The following COL21A1 variants were observed in gnomAD, a reference collection of about 807,000 sequenced individuals.
COL21A1 encodes collagen type XXI alpha 1 chain.
Under a neutral mutation model 137.9 loss-of-function variants are expected in COL21A1, and 149 were observed. That is an observed-to-expected ratio of 1.08 (90% CI 0.95 to 1.24). COL21A1 has a LOEUF of 1.24. Among genes scored for constraint, COL21A1 ranks in the 50% most tolerant of loss-of-function variants. COL21A1 has a pLI of 0.00. For synonymous variants in COL21A1, 456 were observed against 391.5 expected (o/e 1.16, Z -1.95); for missense variants, 1,167 against 1,158.4 (o/e 1.01, Z -0.11).
At chr6:56,177,791 CAAAAAAAAAAA>C (rs3065941) in intron 3 of COL21A1, among the ~76,000 whole-genome samples, 8 of 69,380 alleles carry the variant, frequency 1.2e-4, no homozygotes, top group African/African-American at 4.9e-4. Context: ...GACTCTGCCT[CAAAAAAAAAAA>C]AAAAAAAAAA....
intron 1 of COL21A1, among the ~76,000 whole-genome samples, chr6:56,379,130 C>T (rs1431361846): frequency 2.0e-5 from 3 of 152,130 alleles, no homozygotes; most frequent in African/African-American, 7.2e-5. Flanking sequence ...GCCCAGACGG[C>T]GAAGACTACA....
Position 56,183,329 on chromosome 6 carries a change from C to A in COL21A1, c.-38-673G>T, listed in dbSNP as rs140823579. ...ATAATTTAAAGAAACCTAAAAGAAC[C>A]AAATTCCAGAAGTTATTAACCCTTT... On this transcript the variant is annotated intron_variant, in intron 1 of 29. Coordinates refer to ENST00000244728, the MANE Select transcript of COL21A1 (RefSeq NM_030820.4). Among the ~76,000 whole-genome samples the A allele has an allele frequency of 3.2e-4, 49 of 152,146 alleles. No individual in the cohort carries two copies. In the East Asian group the frequency reaches 9.3e-3, roughly 29 times the overall value.
intron 16 of COL21A1, among the ~76,000 whole-genome samples, chr6:56,123,098 G>A (rs530108312): frequency 6.6e-6 from 1 of 152,334 alleles, no homozygotes; most frequent in East Asian, 1.9e-4. Flanking sequence ...CTCTCACATA[G>A]TCTAGATTAT....
intron 1 of COL21A1, among the ~76,000 whole-genome samples, chr6:56,208,839 G>A (rs904947891): frequency 2.0e-5 from 3 of 152,008 alleles, no homozygotes; most frequent in East Asian, 1.9e-4. Flanking sequence ...ACAGACCGAC[G>A]GAACAGAACA....
At chr6:56,176,026 G>A (rs920153780) in intron 3 of COL21A1, among the ~76,000 whole-genome samples, 5 of 149,540 alleles carry the variant, frequency 3.3e-5, no homozygotes, top group South Asian at 2.1e-4. Context: ...ACTGCCCGAC[G>A]GGGAAAGGAT....
chr6:56,328,310 T>C lies in COL21A1; in HGVS notation c.-39+65661A>G, dbSNP rs183917049. ...TCCTATCTCAAATTTGATAATACAATATGCATACTGAACTTTAGGTACAAC... is the reference window on the plus strand; with the variant it reads ...TCCTATCTCAAATTTGATAATACAACATGCATACTGAACTTTAGGTACAAC... On this transcript the variant is annotated intron_variant, in intron 1 of 28. Transcript: ENST00000370819. 1.6e-3 allele frequency among the ~76,000 whole-genome samples: 242 copies of C among 152,186 alleles called. 1 individual carries two copies. The highest frequency in any genetic ancestry group is 5.5e-3 in the African/African-American group (229 of 41,550).
intron 17 of COL21A1, among the ~76,000 whole-genome samples, chr6:56,097,614 A>G (rs1274524865): frequency 6.6e-6 from 1 of 150,786 alleles, no homozygotes; most frequent in Admixed American, 6.8e-5. Flanking sequence ...ACAACTCTAG[A>G]CAGGAATAAG....
chr6:56,109,094 T>C (rs1438070492), intron 16 of COL21A1, among the ~76,000 whole-genome samples: 1 of 151,576 alleles, frequency 6.6e-6, no homozygotes, highest in Non-Finnish European at 1.5e-5. Flanking sequence ...AAATATTCAG[T>C]TTAACTACTT....
At chr6:56,335,758 TG>T (rs1181079905) in intron 1 of COL21A1, among the ~76,000 whole-genome samples, 1 of 152,258 alleles carries the variant, frequency 6.6e-6, no homozygotes, top group Non-Finnish European at 1.5e-5. Context: ...TTTTCTCATT[TG>T]TTTGGGCTTT....
chr6:56,095,339 C>T (rs116000822), intron 17 of COL21A1, among the ~76,000 whole-genome samples: 328 of 152,170 alleles, frequency 2.2e-3, no homozygotes, highest in African/African-American at 7.1e-3. Context: ...TTATCTTACC[C>T]GCATCTAATG....
At chr6:56,216,504 G>A (rs1780498461) in intron 1 of COL21A1, among the ~76,000 whole-genome samples, 1 of 151,984 alleles carries the variant, frequency 6.6e-6, no homozygotes, top group Non-Finnish European at 1.5e-5. Flanking sequence ...ACTTTTAAAT[G>A]TGCTGAAAAT....
chr6:56,331,067 A>T (rs1026121107), intron 1 of COL21A1, among the ~76,000 whole-genome samples: 4 of 151,980 alleles, frequency 2.6e-5, no homozygotes, highest in African/African-American at 9.7e-5. Flanking sequence ...GCATTTTTTC[A>T]TATGCTTGTT....
intron 17 of COL21A1, among the ~76,000 whole-genome samples, chr6:56,089,744 A>C (rs936087378): frequency 2.6e-5 from 4 of 152,210 alleles, no homozygotes; most frequent in African/African-American, 9.6e-5. Context: ...ATAAACAATA[A>C]TGAGATTCTA....
At chr6:56,310,331 C>G (rs1562050229) in intron 1 of COL21A1, among the ~76,000 whole-genome samples, 1 of 152,160 alleles carries the variant, frequency 6.6e-6, no homozygotes, top group Non-Finnish European at 1.5e-5. Flanking sequence ...ACCAGCCGCA[C>G]ATTGGAACCT....
chr6:56,228,859 T>C (rs959121683), intron 1 of COL21A1, among the ~76,000 whole-genome samples: 1 of 151,868 alleles, frequency 6.6e-6, no homozygotes, highest in African/African-American at 2.4e-5. Flanking sequence ...ATCCATATGA[T>C]GGAGTACTAC....
At chr6:56,136,753 T>G (rs1207286079) in intron 12 of COL21A1, among the ~76,000 whole-genome samples, 2 of 152,210 alleles carry the variant, frequency 1.3e-5, no homozygotes, top group Admixed American at 1.3e-4. Flanking sequence ...ATAATTTTTA[T>G]ATATGAGTCT....
chr6:56,321,195 C>T lies in COL21A1; in HGVS notation c.-39+72776G>A, dbSNP rs142711439. Among the ~76,000 whole-genome samples, 312 of 152,256 alleles carry T rather than the reference C, an allele frequency of 2.0e-3. 1 individual carries two copies. Among genetic ancestry groups the T allele is most frequent in the African/African-American group, 7.3e-3 (304 of 41,554 alleles). ...TTTCTGCACATCTTATGAGTCAAGG[C>T]ATTGATTGCCATTTGTTTTAGACCA... is the stretch of plus-strand genomic sequence containing the variant. On this transcript the variant is annotated intron_variant, in intron 1 of 28. Coordinates refer to the COL21A1 transcript ENST00000370819.
intron 1 of COL21A1, among the ~76,000 whole-genome samples, chr6:56,226,975 A>T (rs1385794523): frequency 6.6e-6 from 1 of 151,920 alleles, no homozygotes; most frequent in African/African-American, 2.4e-5. Flanking sequence ...ATGGACTTTG[A>T]ATCGCCCAAG....
At chr6:56,143,618 T>G (rs535197441) in intron 10 of COL21A1, among the ~76,000 whole-genome samples, 1 of 152,302 alleles carries the variant, frequency 6.6e-6, no homozygotes, top group South Asian at 2.1e-4. Context: ...TTTTCTTGAG[T>G]GTCTTTGCCC....
Sources: gnomAD v4.1 joint callset for allele counts (sites outside exome capture counted in the v4.1 genomes callset) on GRCh38, gnomAD v4.1.1 for gene constraint, MANE v1.5 for transcripts, NCBI Gene and HGNC (gene_info 2026-07-23, HGNC 2026-07-21) for gene names.